DCC: variants seen among roughly 807,000 people sequenced by gnomAD.
DCC encodes the protein DCC netrin 1 receptor.
DCC carries 58 observed loss-of-function variants against 172.5 expected under a neutral mutation model. That is an observed-to-expected ratio of 0.34 (90% CI 0.27 to 0.42). DCC has a LOEUF of 0.42. Among genes scored for constraint, DCC ranks in the 10% least tolerant of loss-of-function variants. The pLI, the probability that DCC is intolerant of heterozygous loss-of-function variation, is 1.00. For synonymous variants in DCC, 709 were observed against 644.5 expected, an observed-to-expected ratio of 1.10 and a Z score of -1.52; for missense variants, 1,740 against 1,791.0, an observed-to-expected ratio of 0.97 and a Z score of 0.51.
intron 20 of DCC, among the ~76,000 whole-genome samples, chr18:53,412,822 A>G (rs971538273): frequency 3.3e-5 from 5 of 152,224 alleles, no homozygotes; most frequent in Non-Finnish European, 5.9e-5. Flanking sequence ...AACTCAGTCA[A>G]TAATCACTGT....
intron 21 of DCC, among the ~76,000 whole-genome samples, chr18:53,424,534 G>A (rs867682774): frequency 5.3e-5 from 8 of 152,212 alleles, no homozygotes; most frequent in South Asian, 4.1e-4. Flanking sequence ...TGTATGTTAC[G>A]GGATTTCAGA....
chr18:52,774,345 A>G (rs1180350138), intron 2 of DCC, among the ~76,000 whole-genome samples: 3 of 152,170 alleles, frequency 2.0e-5, no homozygotes, highest in Non-Finnish European at 4.4e-5. Context: ...CTGAATGTTG[A>G]AGACGCTTCA....
intron 3 of DCC, among the ~76,000 whole-genome samples, chr18:52,914,903 T>C (rs1056519615): frequency 6.6e-6 from 1 of 152,110 alleles, no homozygotes; most frequent in Admixed American, 6.6e-5. Flanking sequence ...TACCCCACAG[T>C]AGCCTGCAGT....
chr18:52,670,701 A>C (rs2035536204), intron 1 of DCC, among the ~76,000 whole-genome samples: 1 of 152,140 alleles, frequency 6.6e-6, no homozygotes, highest in African/African-American at 2.4e-5. Context: ...TTAGCCAGGC[A>C]TGGTGAAGGG....
chr18:52,720,437 T>A (rs2036455506), intron 1 of DCC, among the ~76,000 whole-genome samples: 1 of 152,302 alleles, frequency 6.6e-6, no homozygotes, highest in South Asian at 2.1e-4. Context: ...TGGTGTTAGC[T>A]AGTTAAGATC....
intron 1 of DCC, among the ~76,000 whole-genome samples, chr18:52,662,885 T>C (rs2144951298): frequency 6.6e-6 from 1 of 152,222 alleles, no homozygotes; most frequent in Middle Eastern, 3.4e-3. Context: ...GAAGTGACAA[T>C]GCAACTCACT....
chr18:53,372,237 C>A (rs1211398168), intron 15 of DCC, among the ~76,000 whole-genome samples: 1 of 151,988 alleles, frequency 6.6e-6, no homozygotes, highest in African/African-American at 2.4e-5. Flanking sequence ...CCATGGTAGA[C>A]TGGATAAAGA....
At chr18:52,943,675 CTG>C (rs1403985157) in intron 5 of DCC, among the ~76,000 whole-genome samples, 1 of 151,882 alleles carries the variant, frequency 6.6e-6, no homozygotes, top group African/African-American at 2.4e-5. Flanking sequence ...TTCATAAAAA[CTG>C]TAGAGGATAT....
intron 22 of DCC, among the ~76,000 whole-genome samples, chr18:53,440,416 A>T (rs1183772083): frequency 6.6e-6 from 1 of 152,226 alleles, no homozygotes; most frequent in East Asian, 1.9e-4. Context: ...AACATTATTA[A>T]TTTTTAAATA....
intron 13 of DCC, among the ~76,000 whole-genome samples, chr18:53,321,202 A>G (rs933995859): frequency 6.6e-6 from 1 of 152,190 alleles, no homozygotes; most frequent in Non-Finnish European, 1.5e-5. Context: ...ATGGGGGATA[A>G]CAGTTACATT....
At chr18:52,984,814 C>T (rs761650677) in intron 5 of DCC, among the ~76,000 whole-genome samples, 43 of 152,130 alleles carry the variant, frequency 2.8e-4, no homozygotes, top group Non-Finnish European at 5.4e-4. Flanking sequence ...CAAGTATGTG[C>T]CTCTCAAGCA....
intron 8 of DCC, among the ~76,000 whole-genome samples, chr18:53,165,190 C>G (rs938893660): frequency 6.6e-6 from 1 of 152,090 alleles, no homozygotes; most frequent in Non-Finnish European, 1.5e-5. Context: ...TCCAAGATAG[C>G]CCCTGACTTG....
intron 1 of DCC, among the ~76,000 whole-genome samples, chr18:52,467,688 T>C (rs1303273713): frequency 6.6e-6 from 1 of 152,202 alleles, no homozygotes; most frequent in Non-Finnish European, 1.5e-5. Flanking sequence ...TTCCTGTTTC[T>C]CAACATCCTC....
intron 2 of DCC, among the ~76,000 whole-genome samples, chr18:52,762,349 CTG>C (rs2037175065): frequency 6.6e-6 from 1 of 151,992 alleles, no homozygotes; most frequent in Non-Finnish European, 1.5e-5. Context: ...TGGTGCATGC[CTG>C]TAGTCCCAGC....
chr18:52,879,728 C>T (rs1652875900), intron 2 of DCC, among the ~76,000 whole-genome samples: 1 of 152,046 alleles, frequency 6.6e-6, no homozygotes, highest in South Asian at 2.1e-4. Context: ...CCATGCCCAG[C>T]CATGTTGTTT....
At chr18:52,392,783 G>C (rs749343327) in intron 1 of DCC, among the ~76,000 whole-genome samples, 4 of 151,990 alleles carry the variant, frequency 2.6e-5, no homozygotes, top group Non-Finnish European at 5.9e-5. Flanking sequence ...TAGAAAGAAA[G>C]ACCAAGAAAA....
intron 1 of DCC, among the ~76,000 whole-genome samples, chr18:52,614,217 T>C (rs2034333206): frequency 6.6e-6 from 1 of 152,204 alleles, no homozygotes; most frequent in Non-Finnish European, 1.5e-5. Context: ...TGGTGAGTCT[T>C]AATTGCTTAG....
At position 53,499,372 on chromosome 18, in the gene DCC, G is replaced by C. The variant is rs1318410216; in HGVS notation, c.3973G>C (p.Glu1325Gln). Residue 1325 changes from glutamate to glutamine, a missense_variant, in exon 27 of 29, where the codon GAG becomes CAG. Glu to Gln is a conservative substitution (Grantham distance 29). This residue lies in a region of DCC where 1,732 missense variants were observed against 1,767.4 expected (regional missense o/e 0.98). Coordinates refer to ENST00000442544, the MANE Select transcript of DCC (RefSeq NM_005215.4). ...PSQPEHSSSE[E>Q]APSRTIPTAC... ...TCAGCCTGAGCATTCTAGCAGCGAG[G>C]AGGCACCAAGCAGAACCATCCCCAC... 6.2e-7 allele frequency: 1 copy of C among 1,614,048 alleles called. No individual in the cohort carries two copies. The highest frequency in any genetic ancestry group is 1.7e-5 in the Admixed American group (1 of 59,994).
intron 5 of DCC, among the ~76,000 whole-genome samples, chr18:53,039,396 G>A (rs1452148262): frequency 6.6e-6 from 1 of 151,984 alleles, no homozygotes; most frequent in Non-Finnish European, 1.5e-5. Context: ...CTCCATCTTT[G>A]AATTTCCTGT....
Sources: allele counts gnomAD v4.1 joint callset (sites outside exome capture counted in the v4.1 genomes callset), GRCh38; gene constraint gnomAD v4.1.1; regional missense constraint gnomAD v4.1.1; transcripts MANE v1.5; gene names NCBI Gene and HGNC (gene_info 2026-07-23, HGNC 2026-07-21).